The following MSANTD3 variants were observed in gnomAD, a reference collection of about 807,000 sequenced individuals.
MSANTD3 encodes myb/SANT-like DNA-binding domain-containing protein 3.
Under a neutral mutation model 27.7 loss-of-function variants are expected in MSANTD3, and 11 were observed. The observed-to-expected ratio is 0.40, with a 90% CI of 0.25 to 0.66. The LOEUF is 0.66. MSANTD3 is among the 30% of genes least tolerant of loss of function. The pLI is 0.41. For synonymous variants in MSANTD3, 131 were observed against 127.2 expected (o/e 1.03, Z -0.20); for missense variants, 250 against 336.5 (o/e 0.74, Z 2.01).
rs182383530 is a variant in MSANTD3, at chr9:100,449,163, C to G, written c.419-1394C>G. On this transcript the variant is annotated intron_variant, in intron 2 of 2. Coordinates refer to ENST00000395067, the MANE Select transcript of MSANTD3 (RefSeq NM_080655.3). ...CAAGAAAGCCTTAGAGTCACAGCTACAAGACTCCATGGGTTAGTGGAGTTA... is the reference window on the plus strand; with the variant it reads ...CAAGAAAGCCTTAGAGTCACAGCTAGAAGACTCCATGGGTTAGTGGAGTTA... 8.1e-6 allele frequency: 8 copies of G among 985,368 alleles called. No individual in the cohort carries two copies. The East Asian group carries it at 7.9e-4, about 98-fold the overall frequency. 61.0% of individuals were successfully genotyped at this position (985,368 alleles called of 1,614,324 possible).
intron 1 of MSANTD3, among the ~76,000 whole-genome samples, chr9:100,433,008 CA>C (rs1407315946): frequency 1.3e-5 from 2 of 152,160 alleles, no homozygotes; most frequent in Non-Finnish European, 2.9e-5. Flanking sequence ...ACAAATGTCA[CA>C]AAATGAATGA....
At chr9:100,439,813 C>A (rs1836561745) in intron 1 of MSANTD3, among the ~76,000 whole-genome samples, 1 of 151,972 alleles carries the variant, frequency 6.6e-6, no homozygotes, top group African/African-American at 2.4e-5. Flanking sequence ...GCCATTACGC[C>A]TGCCCAGTTC....
intron 2 of MSANTD3, 107 bp downstream of exon 2, chr9:100,442,463 A>C (rs1448618429): frequency 4.8e-6 from 7 of 1,460,230 alleles, no homozygotes; most frequent in Middle Eastern, 1.9e-4. Flanking sequence ...AAACTTTTGT[A>C]TCAAATCCAA....
Position 100,441,855 on chromosome 9 carries a change from G to A in MSANTD3, c.-33-51G>A. ...GGAATTAAGCTTCAGTGATTTATAG[G>A]CATTGTTTTTGCTGGAGTTGGTAAT... On this transcript the variant is annotated intron_variant, in intron 1 of 2. Coordinates refer to ENST00000395067, the MANE Select transcript of MSANTD3 (RefSeq NM_080655.3). 3 of 1,508,896 alleles carry A rather than the reference G, an allele frequency of 2.0e-6. 1 individual carries two copies. Among genetic ancestry groups the A allele is most frequent in the Non-Finnish European group, 2.7e-6 (3 of 1,129,474 alleles). 93.5% of individuals were successfully genotyped at this position (1,508,896 alleles called of 1,614,324 possible).
chr9:100,451,625 T>C lies in MSANTD3; in HGVS notation c.*659T>C, dbSNP rs1436957650. 2 of 151,742 alleles carry C rather than the reference T, an allele frequency of 1.3e-5. No homozygotes were observed. Among genetic ancestry groups the C allele is most frequent in the African/African-American group, 4.8e-5 (2 of 41,258 alleles). The allele number at this position is 151,742 out of a possible 1,614,324, so 9.4% of individuals were successfully genotyped here. A position where few individuals can be genotyped will look rare whatever the true frequency, so the allele number is the denominator to read the frequency against. On this transcript the variant is annotated 3_prime_UTR_variant, in exon 3 of 3. Transcript: ENST00000395067. The stretch of plus-strand genomic sequence containing the variant: ...GGAGTTCTAAATAAGTCTCCAACAA[T>C]AGTAGTTTTGTTGGAGCTAAGGATG...
Position 100,448,956 on chromosome 9 carries a change from G to A in MSANTD3, c.419-1601G>A, listed in dbSNP as rs1007393019. 9.1e-6 allele frequency: 9 copies of A among 985,022 alleles called. No individual in the cohort carries two copies. The African/African-American group carries it at 1.6e-4, about 17-fold the overall frequency. The allele number at this position is 985,022 out of a possible 1,614,324, so 61.0% of individuals were successfully genotyped here. A position where few individuals can be genotyped will look rare whatever the true frequency, so the allele number is the denominator to read the frequency against. On this transcript the variant is annotated intron_variant, in intron 2 of 2. Transcript: ENST00000395067. ...CTTGGAGTGGAATAATTAAACAGTAGCCATTTTCCTTTTATTAACAGGGTA... is the reference window on the plus strand; with the variant it reads ...CTTGGAGTGGAATAATTAAACAGTAACCATTTTCCTTTTATTAACAGGGTA...
At chr9:100,444,986 C>A in intron 2 of MSANTD3, 1 of 528,000 alleles carries the variant, frequency 1.9e-6, no homozygotes, top group Non-Finnish European at 3.4e-6. Flanking sequence ...ATTATTAAAG[C>A]ATAGCCAAAT....
intron 1 of MSANTD3, among the ~76,000 whole-genome samples, chr9:100,430,510 A>G (rs1564246074): frequency 6.6e-6 from 1 of 152,110 alleles, no homozygotes; most frequent in African/African-American, 2.4e-5. Context: ...ATGCCATGTG[A>G]AGAGTTGGGA....
chr9:100,427,945 G>A lies in MSANTD3; in HGVS notation c.-34+552G>A, dbSNP rs1836281834. 2.0e-5 allele frequency among the ~76,000 whole-genome samples: 3 copies of A among 152,036 alleles called. No individual in the cohort carries two copies. The South Asian group carries it at 6.2e-4, about 32-fold the overall frequency. ...CTGTTTCTGTAAATTAGAGGCGGGG[G>A]TCGGGGGGGCGTGGTATAATATCTA... On this transcript the variant is annotated intron_variant, in intron 1 of 2. Coordinates refer to ENST00000395067, the MANE Select transcript of MSANTD3 (RefSeq NM_080655.3).
chr9:100,441,853 A>T, intron 1 of MSANTD3, 53 bp from the exon 2 acceptor site: 1 of 1,504,880 alleles, frequency 6.6e-7, no homozygotes, highest in Non-Finnish European at 8.9e-7. Flanking sequence ...AGTGATTTAT[A>T]GGCATTGTTT....
intron 2 of MSANTD3, chr9:100,448,878 T>A (rs1253722519): frequency 1.0e-6 from 1 of 985,046 alleles, no homozygotes; most frequent in Non-Finnish European, 1.2e-6. Flanking sequence ...AAGTAAGATT[T>A]TTACCTTTTC....
In MSANTD3 at chr9:100,451,135, T is replaced by G; in HGVS notation, c.*169T>G. On this transcript the variant is annotated 3_prime_UTR_variant, in exon 3 of 3. Transcript: ENST00000395067. Reference sequence around the variant, plus strand: ...TAAACAGCTGCACCCTCTGTACCCCTTAAGTGGCAAAGAAGCTGTTATAGT... The same window carrying G: ...TAAACAGCTGCACCCTCTGTACCCCGTAAGTGGCAAAGAAGCTGTTATAGT... The G allele has an allele frequency of 1.7e-6, 1 of 601,082 alleles. No individual in the cohort carries two copies. The highest frequency in any genetic ancestry group is 2.8e-6 in the Non-Finnish European group (1 of 360,406). The allele number at this position is 601,082 out of a possible 1,614,324, so 37.2% of individuals were successfully genotyped here. A position where few individuals can be genotyped will look rare whatever the true frequency, so the allele number is the denominator to read the frequency against.
At chr9:100,450,257 C>T (rs143866580) in intron 2 of MSANTD3, among the ~76,000 whole-genome samples, 24 of 152,314 alleles carry the variant, frequency 1.6e-4, no homozygotes, top group African/African-American at 5.1e-4. Flanking sequence ...AGAATATCAA[C>T]ATAAAAAGGT....
intron 2 of MSANTD3, among the ~76,000 whole-genome samples, chr9:100,443,118 G>T (rs1005236526): frequency 7.2e-5 from 11 of 152,024 alleles, no homozygotes; most frequent in African/African-American, 2.7e-4. Context: ...AGAGTCAACC[G>T]GCTGGGTTCT....
chr9:100,450,723 G>C lies in MSANTD3; in HGVS notation c.585G>C (p.Lys195Asn). The change falls in exon 3 of 3, where the codon AAG (lysine) becomes AAC (asparagine). Residue 195 changes from lysine to asparagine, a missense_variant. Physicochemically the swap from Lys to Asn is moderately conservative, Grantham distance 94 (BLOSUM62 0). Transcript: ENST00000395067. The stretch of plus-strand genomic sequence containing the variant: ...CCTCTCAGGAAGGTGCTTTAAAAAA[G>C]ATGCATGAGGAAGAACACCATCAAC... ...SKTSQEGALK[K>N]MHEEEHHQQM... is the part of the protein sequence containing the mutation. 1 of 1,614,042 alleles carries C rather than the reference G, an allele frequency of 6.2e-7. No homozygotes were observed. Among genetic ancestry groups the C allele is most frequent in the Non-Finnish European group, 8.5e-7 (1 of 1,179,998 alleles).
chr9:100,440,590 A>AT (rs71370998), intron 1 of MSANTD3, among the ~76,000 whole-genome samples: 16,252 of 135,316 alleles, frequency 0.12, 1,280 homozygotes, highest in Non-Finnish European at 0.17. Flanking sequence ...AAAACGTCAA[A>AT]TTTTTTTTTT....
chr9:100,444,979 A>T lies in MSANTD3; in HGVS notation c.418+2623A>T. 2.3e-5 allele frequency: 12 copies of T among 517,728 alleles called. No individual in the cohort carries two copies. The Middle Eastern group carries it at 1.5e-3, about 65-fold the overall frequency. The allele number at this position is 517,728 out of a possible 1,614,324, so 32.1% of individuals were successfully genotyped here. The stretch of plus-strand genomic sequence containing the variant: ...GGGACTTCCCTTTTTGCTGGTGATT[A>T]TTAAAGCATAGCCAAATGCTCCTTG... On this transcript the variant is annotated intron_variant, in intron 2 of 2. Coordinates refer to ENST00000395067, the MANE Select transcript of MSANTD3 (RefSeq NM_080655.3).
intron 1 of MSANTD3, among the ~76,000 whole-genome samples, chr9:100,434,237 T>C (rs1836428137): frequency 1.3e-5 from 2 of 152,140 alleles, no homozygotes; most frequent in Admixed American, 6.5e-5. Context: ...TTTGAAACAG[T>C]CTTTGGCTGG....
chr9:100,448,479 T>C, intron 2 of MSANTD3: 7 of 985,406 alleles, frequency 7.1e-6, no homozygotes, highest in Non-Finnish European at 8.4e-6. Flanking sequence ...CCCTCTCCCA[T>C]TCCTTTGTCC....
Sources: allele counts gnomAD v4.1 joint callset (sites outside exome capture counted in the v4.1 genomes callset), GRCh38; gene constraint gnomAD v4.1.1; transcripts MANE v1.5; gene names NCBI Gene and HGNC (gene_info 2026-07-23, HGNC 2026-07-21).